The following HBP1 variants were observed in gnomAD, a reference collection of about 807,000 sequenced individuals.
The protein encoded by HBP1 is HMG-box transcription factor 1.
A neutral mutation model predicts 62.6 loss-of-function variants in HBP1; 20 were observed. The observed-to-expected ratio is 0.32, with a 90% CI of 0.22 to 0.46. The LOEUF (loss-of-function observed/expected upper bound fraction) is 0.46, where lower values mean the gene tolerates loss of function less well. HBP1 is among the 20% of genes least tolerant of loss of function. The probability of loss-of-function intolerance (pLI) is 1.00; values close to 1 mark genes in which losing one functional copy is unlikely to be tolerated. For synonymous variants in HBP1, 232 were observed against 206.2 expected (o/e 1.12, Z -1.07); for missense variants, 480 against 611.8 (o/e 0.78, Z 2.27).
chr7:107,177,391 G>A (rs898840635), intron 1 of HBP1, among the ~76,000 whole-genome samples: 1 of 152,192 alleles, frequency 6.6e-6, no homozygotes, highest in Admixed American at 6.5e-5. Context: ...CCCAGGCTAA[G>A]GGTTATTTTT....
chr7:107,176,403 T>G (rs1406137275), intron 1 of HBP1, among the ~76,000 whole-genome samples: 1 of 152,184 alleles, frequency 6.6e-6, no homozygotes, highest in African/African-American at 2.4e-5. Flanking sequence ...TCCACTAAAG[T>G]CAGACTCATG....
chr7:107,194,708 C>T (rs564897058), intron 8 of HBP1, among the ~76,000 whole-genome samples: 11 of 152,126 alleles, frequency 7.2e-5, no homozygotes, highest in South Asian at 4.2e-4. Context: ...GATGTATTAC[C>T]GGAATTTCTG....
rs114410374 is a variant in HBP1, at chr7:107,177,136, C to T, written c.-15-2743C>T. 2.0e-3 allele frequency among the ~76,000 whole-genome samples: 306 copies of T among 152,218 alleles called. 1 individual carries two copies. Among genetic ancestry groups the T allele is most frequent in the African/African-American group, 7.1e-3 (296 of 41,528 alleles). The stretch of plus-strand genomic sequence containing the variant: ...CTGGGGATAAAAAAATTTCAAAAGA[C>T]GTCATTTTACACTTTTTTCACTATT... On this transcript the variant is annotated intron_variant, in intron 1 of 10. Coordinates refer to ENST00000222574, the MANE Select transcript of HBP1 (RefSeq NM_012257.4).
In HBP1 at chr7:107,169,542, A is replaced by G. The variant is rs1168989919; in HGVS notation, c.-16+357A>G. Among the ~76,000 whole-genome samples the G allele has an allele frequency of 2.8e-5, 4 of 141,198 alleles. No homozygotes were observed. The East Asian group carries it at 6.7e-4, about 24-fold the overall frequency. 92.6% of individuals were successfully genotyped at this position (141,198 alleles called of 152,430 possible). On this transcript the variant is annotated intron_variant, in intron 1 of 10. Coordinates refer to ENST00000222574, the MANE Select transcript of HBP1 (RefSeq NM_012257.4). ...GGCCGACGCAGCGCCGGGGCTGCCCAGGAAAGTTTGACTTCAACTCCCCGT... is the reference window on the plus strand; with the variant it reads ...GGCCGACGCAGCGCCGGGGCTGCCCGGGAAAGTTTGACTTCAACTCCCCGT...
chr7:107,186,480 A>T lies in HBP1; in HGVS notation c.652+8A>T. 7.5e-6 allele frequency: 12 copies of T among 1,594,842 alleles called. No homozygotes were observed. Among genetic ancestry groups the T allele is most frequent in the Non-Finnish European group, 9.4e-6 (11 of 1,164,370 alleles). ...GGCACTGTTTTTTGAAAGGTAAAAC[A>T]AACAAACAAACAAAAACCTTGAATT... is the stretch of plus-strand genomic sequence containing the variant. On this transcript the variant is annotated splice_region_variant and intron_variant, in intron 5 of 10. Transcript: ENST00000222574.
intron 1 of HBP1, chr7:107,169,636 C>T: frequency 3.3e-6 from 2 of 599,198 alleles, no homozygotes; most frequent in Non-Finnish European, 4.2e-6. Flanking sequence ...CCCAGTGAGG[C>T]GCCGCCTCCT....
chr7:107,193,703 AG>A (rs1470131960), intron 8 of HBP1, among the ~76,000 whole-genome samples: 1 of 148,874 alleles, frequency 6.7e-6, no homozygotes, highest in Admixed American at 6.7e-5. Context: ...AATCTAGAGA[AG>A]GAAATGGATT....
At chr7:107,189,924 T>TCTACATGAAGACG in intron 7 of HBP1, 1 of 333,440 alleles carries the variant, frequency 3.0e-6, no homozygotes, top group Admixed American at 4.6e-5. Context: ...CGGATGGAAG[T>TCTACATGAAGACG]GCTGATTGAT....
At chr7:107,184,782 G>T (rs1228509049) in intron 3 of HBP1, among the ~76,000 whole-genome samples, 1 of 152,176 alleles carries the variant, frequency 6.6e-6, no homozygotes, top group Non-Finnish European at 1.5e-5. Flanking sequence ...AGTGCTGGGT[G>T]GGATTACAGG....
intron 1 of HBP1, among the ~76,000 whole-genome samples, chr7:107,171,028 A>G (rs985210046): frequency 2.8e-5 from 4 of 140,772 alleles, no homozygotes; most frequent in African/African-American, 8.1e-5. Context: ...TATAAAATAT[A>G]TAACATATAC....
intron 1 of HBP1, among the ~76,000 whole-genome samples, chr7:107,179,045 A>T (rs1796986974): frequency 6.6e-6 from 1 of 152,224 alleles, no homozygotes; most frequent in South Asian, 2.1e-4. Context: ...AAAAAAAGAA[A>T]ATGTATTTTT....
intron 8 of HBP1, 83 bp from the exon 9 acceptor site, chr7:107,195,751 T>A: frequency 5.9e-6 from 1 of 168,176 alleles, no homozygotes; most frequent in Admixed American, 7.0e-5. Flanking sequence ...AGATGTTTTC[T>A]TTTTTTTTTT....
chr7:107,170,234 G>A, intron 1 of HBP1: 1 of 565,974 alleles, frequency 1.8e-6, no homozygotes, highest in Non-Finnish European at 2.2e-6. Flanking sequence ...GGGAAGCGAT[G>A]GAGTCCTACT....
rs183486273 is a variant in HBP1, at chr7:107,191,001, G to A, written c.1067+684G>A. Among the ~76,000 whole-genome samples, 48 of 152,218 alleles carry A rather than the reference G, an allele frequency of 3.2e-4. No individual in the cohort carries two copies. The East Asian group carries it at 9.3e-3, about 29-fold the overall frequency. On this transcript the variant is annotated intron_variant, in intron 8 of 10. Transcript: ENST00000222574. ...AGTCCTAGACAAACTGGAACAATTG[G>A]CCACCTTGCTCCTAGAAGGAACCCA... is the stretch of plus-strand genomic sequence containing the variant.
intron 7 of HBP1, chr7:107,189,764 T>C (rs940712040): frequency 6.3e-5 from 15 of 238,426 alleles, no homozygotes; most frequent in Non-Finnish European, 9.7e-5. Flanking sequence ...AGTTACCAAA[T>C]ATGATATAAA....
chr7:107,201,682 A>G lies in HBP1; in HGVS notation c.*251A>G. Reference sequence around the variant, plus strand: ...CTTCCAAACTTCATATATGTCTATCAGGTAATAATAGGCTTGAAAATTGAT... The same window carrying G: ...CTTCCAAACTTCATATATGTCTATCGGGTAATAATAGGCTTGAAAATTGAT... On this transcript the variant is annotated 3_prime_UTR_variant, in exon 11 of 11. Coordinates refer to ENST00000222574, the MANE Select transcript of HBP1 (RefSeq NM_012257.4). 5.4e-6 allele frequency: 2 copies of G among 373,130 alleles called. No homozygotes were observed. Among genetic ancestry groups the G allele is most frequent in the Admixed American group, 8.9e-5 (2 of 22,482 alleles). 23.1% of individuals were successfully genotyped at this position (373,130 alleles called of 1,614,324 possible).
intron 1 of HBP1, among the ~76,000 whole-genome samples, chr7:107,176,030 A>AT (rs111542550): frequency 2.1e-4 from 29 of 135,240 alleles, no homozygotes; most frequent in African/African-American, 3.8e-4. Context: ...TTCTTTTTTC[A>AT]TTTTTTTTTT....
intron 1 of HBP1, among the ~76,000 whole-genome samples, chr7:107,170,962 T>A (rs1448109461): frequency 7.0e-6 from 1 of 143,094 alleles, no homozygotes; most frequent in Non-Finnish European, 1.5e-5. Context: ...TGTATATATA[T>A]AAAATATATA....
In HBP1 at chr7:107,185,804, A is replaced by C. The variant is rs1225835103; in HGVS notation, c.402A>C (p.Ser134=). The C allele has an allele frequency of 3.7e-6, 6 of 1,611,412 alleles. No individual in the cohort carries two copies. The highest frequency in any genetic ancestry group is 5.1e-6 in the Non-Finnish European group (6 of 1,178,082). Residue 134 remains serine (S), a synonymous_variant, in exon 4 of 11, where the codon TCA becomes TCC. Coordinates refer to ENST00000222574, the MANE Select transcript of HBP1 (RefSeq NM_012257.4). ...PLMQCSFYNR[S]SPVHIIATSK... ...TGAAACTGTTGCTTTATTTTAGATC[A>C]TCTCCTGTACACATCATAGCCACTA...
Sources: allele counts gnomAD v4.1 joint callset (sites outside exome capture counted in the v4.1 genomes callset), GRCh38; gene constraint gnomAD v4.1.1; transcripts MANE v1.5; gene names NCBI Gene and HGNC (gene_info 2026-07-23, HGNC 2026-07-21).